CYTH1: variants seen among roughly 807,000 people sequenced by gnomAD.
CYTH1 encodes the protein cytohesin-1.
A neutral mutation model predicts 61.8 loss-of-function variants in CYTH1; 18 were observed. The observed-to-expected ratio is 0.29, with a 90% CI of 0.20 to 0.43. CYTH1 has a LOEUF of 0.43. CYTH1 is among the 20% of genes least tolerant of loss of function. CYTH1 has a pLI of 1.00. For missense variants in CYTH1, 336 were observed against 510.5 expected (o/e 0.66, Z 3.29); for synonymous variants, 174 against 184.3 (o/e 0.94, Z 0.45).
chr17:78,744,952 A>C (rs2093354287), intron 1 of CYTH1, among the ~76,000 whole-genome samples: 1 of 152,202 alleles, frequency 6.6e-6, no homozygotes, highest in Non-Finnish European at 1.5e-5. Flanking sequence ...GCAAGAAAAA[A>C]AATAAGAGAG....
intron 9 of CYTH1, among the ~76,000 whole-genome samples, chr17:78,697,658 G>C (rs1048292903): frequency 8.5e-5 from 13 of 152,104 alleles, no homozygotes; most frequent in Non-Finnish European, 1.5e-4. Flanking sequence ...GAGTGCTGTG[G>C]ATTGAGCTGC....
chr17:78,739,499 G>C (rs2093333822), intron 1 of CYTH1, among the ~76,000 whole-genome samples: 1 of 152,226 alleles, frequency 6.6e-6, no homozygotes, highest in Non-Finnish European at 1.5e-5. Flanking sequence ...ACTGTGGCTG[G>C]AGCAGGAAGA....
intron 10 of CYTH1, among the ~76,000 whole-genome samples, chr17:78,694,127 G>A (rs922879753): frequency 6.6e-6 from 1 of 152,210 alleles, no homozygotes; most frequent in Non-Finnish European, 1.5e-5. Flanking sequence ...AAAAGAAAAT[G>A]TCCAGCGTAG....
chr17:78,697,842 A>C (rs1430018514), intron 9 of CYTH1, among the ~76,000 whole-genome samples: 1 of 152,214 alleles, frequency 6.6e-6, no homozygotes, highest in Non-Finnish European at 1.5e-5. Context: ...CAGGGAAGGC[A>C]AACGGACCAG....
At chr17:78,688,877 G>GT (rs1422846941) in intron 11 of CYTH1, among the ~76,000 whole-genome samples, 1 of 152,184 alleles carries the variant, frequency 6.6e-6, no homozygotes, top group Non-Finnish European at 1.5e-5. Flanking sequence ...AATTTGAGTA[G>GT]AACTCTTGGC....
chr17:78,676,869 G>T (rs1375711720), intron 13 of CYTH1: 3 of 394,734 alleles, frequency 7.6e-6, no homozygotes, highest in Admixed American at 5.8e-5. Context: ...TGCCATTCTC[G>T]ACTTTCAAGC....
chr17:78,770,355 G>GAAAAAAAAAAAAAA (rs35531159), intron 1 of CYTH1, among the ~76,000 whole-genome samples: 1 of 128,340 alleles, frequency 7.8e-6, no homozygotes, highest in Admixed American at 8.1e-5. Context: ...GAAAAGAAAA[G>GAAAAAAAAAAAAAA]AAAAAAAAAA....
intron 1 of CYTH1, among the ~76,000 whole-genome samples, chr17:78,755,533 A>G (rs956325068): frequency 1.3e-5 from 2 of 152,006 alleles, no homozygotes; most frequent in Admixed American, 6.6e-5. Flanking sequence ...CAGAATATAC[A>G]TTGTAACATT....
intron 1 of CYTH1, among the ~76,000 whole-genome samples, chr17:78,738,223 G>A (rs1337233438): frequency 2.6e-5 from 4 of 152,174 alleles, no homozygotes; most frequent in Non-Finnish European, 5.9e-5. Flanking sequence ...AGCTTGATGT[G>A]ACCTAACTCA....
chr17:78,768,482 T>G (rs2093457702), intron 1 of CYTH1, among the ~76,000 whole-genome samples: 1 of 152,174 alleles, frequency 6.6e-6, no homozygotes, highest in Non-Finnish European at 1.5e-5. Flanking sequence ...CGAAGTCCTA[T>G]TCTCAGTATG....
intron 10 of CYTH1, among the ~76,000 whole-genome samples, chr17:78,693,026 C>G (rs1353019778): frequency 6.6e-6 from 1 of 152,198 alleles, no homozygotes; most frequent in African/African-American, 2.4e-5. Flanking sequence ...TGGTTCTACT[C>G]TCTTCTTCAC....
chr17:78,710,155 T>C (rs1719930560), intron 1 of CYTH1, among the ~76,000 whole-genome samples: 1 of 152,046 alleles, frequency 6.6e-6, no homozygotes, highest in Admixed American at 6.5e-5. Flanking sequence ...CATGACCCCC[T>C]GAGGTGGGGA....
rs1006224942 is a variant in CYTH1, at chr17:78,745,694, C to T, written c.23-35962G>A. 9.2e-5 allele frequency among the ~76,000 whole-genome samples: 14 copies of T among 152,196 alleles called. No individual in the cohort carries two copies. In the East Asian group the frequency reaches 2.7e-3, roughly 29 times the overall value. On this transcript the variant is annotated intron_variant, in intron 1 of 13. Coordinates refer to ENST00000446868, the MANE Select transcript of CYTH1 (RefSeq NM_004762.6). ...GGATCACAAGGTCAAGAGATCTAGA[C>T]CATCTTGGCCAACATGGTGAAACCC...
chr17:78,681,063 G>A (rs1390737366), intron 11 of CYTH1, 21 bp from the exon 12 acceptor site: 1 of 1,609,880 alleles, frequency 6.2e-7, no homozygotes, highest in Non-Finnish European at 8.5e-7. Context: ...GTTGAAGAGA[G>A]GAAGTTTAAG....
At chr17:78,708,061 G>T in intron 3 of CYTH1, 136 bp downstream of exon 3, 1 of 801,970 alleles carries the variant, frequency 1.2e-6, no homozygotes, top group Non-Finnish European at 2.1e-6. Context: ...GACATTATGG[G>T]TGTGTATGTG....
intron 1 of CYTH1, among the ~76,000 whole-genome samples, chr17:78,772,342 G>A (rs904228769): frequency 6.6e-6 from 1 of 152,016 alleles, no homozygotes; most frequent in Non-Finnish European, 1.5e-5. Flanking sequence ...TATGATGTGT[G>A]CCCCCCATAC....
intron 13 of CYTH1, among the ~76,000 whole-genome samples, chr17:78,678,893 C>A (rs551982936): frequency 2.0e-5 from 3 of 152,346 alleles, no homozygotes; most frequent in African/African-American, 4.8e-5. Context: ...AGAGACAGAG[C>A]GAGGAGTCTC....
chr17:78,698,133 G>GCA, intron 9 of CYTH1, 136 bp downstream of exon 9: 2 of 746,562 alleles, frequency 2.7e-6, no homozygotes, highest in Non-Finnish European at 4.6e-6. Flanking sequence ...GCATGCGCGT[G>GCA]CACACACACG....
At chr17:78,731,374 G>A (rs371159805) in intron 1 of CYTH1, among the ~76,000 whole-genome samples, 16 of 152,252 alleles carry the variant, frequency 1.1e-4, no homozygotes, top group African/African-American at 2.6e-4. Context: ...GGCTCCAGCC[G>A]TAACACAAAA....
Sources: allele counts gnomAD v4.1 joint callset (sites outside exome capture counted in the v4.1 genomes callset), GRCh38; gene constraint gnomAD v4.1.1; transcripts MANE v1.5; gene names NCBI Gene and HGNC (gene_info 2026-07-23, HGNC 2026-07-21).